The following DNAAF6 variants were observed in gnomAD, a reference collection of about 807,000 sequenced individuals.
The protein encoded by DNAAF6 is PIH1 domain containing 3.
DNAAF6 carries 3 observed loss-of-function variants against 13.7 expected under a neutral mutation model. The observed-to-expected ratio is 0.22, with a 90% CI of 0.10 to 0.56. The LOEUF (loss-of-function observed/expected upper bound fraction) is 0.56. DNAAF6 is among the 20% of genes least tolerant of loss of function. DNAAF6 has a pLI of 0.92. For missense variants in DNAAF6, 130 were observed against 151.0 expected, an observed-to-expected ratio of 0.86 and a Z score of 0.73; for synonymous variants, 54 against 49.2, an observed-to-expected ratio of 1.10 and a Z score of -0.41.
chrX:107,239,076 A>T (rs1346696800), intron 6 of DNAAF6, 69 bp downstream of exon 6: 19 of 1,100,119 alleles, frequency 1.7e-5, no homozygotes, highest in African/African-American at 7.6e-5. Flanking sequence ...ATTATTTTTT[A>T]AAATGTACAG....
At position 107,243,367 on chromosome X, in the gene DNAAF6, ATTG is replaced by A; in HGVS notation, c.*72_*74del. On this transcript the variant is annotated 3_prime_UTR_variant, in exon 7 of 7. Coordinates refer to ENST00000372453, the MANE Select transcript of DNAAF6 (RefSeq NM_173494.2). The stretch of plus-strand genomic sequence containing the variant: ...CAATTAAAAAACTTTGAAAAAAATG[ATTG>A]TTTTCTATATTCTCTTTATTATTCT... 8.9e-7 allele frequency: 1 copy of A among 1,121,779 alleles called. No individual in the cohort carries two copies. The highest frequency in any genetic ancestry group is 1.2e-6 in the Non-Finnish European group (1 of 840,188). 92.4% of individuals were successfully genotyped at this position (1,121,779 alleles called of 1,213,427 possible).
chrX:107,227,360 G>C (rs1928278013), intron 5 of DNAAF6, among the ~76,000 whole-genome samples: 1 of 111,994 alleles, frequency 8.9e-6, no homozygotes, highest in African/African-American at 3.3e-5. Context: ...AAAGTGCTGG[G>C]ATTACAGCCG....
intron 5 of DNAAF6, among the ~76,000 whole-genome samples, chrX:107,224,673 T>C (rs1928217189): frequency 9.1e-6 from 1 of 110,161 alleles, no homozygotes; most frequent in African/African-American, 3.3e-5. Context: ...AAAAATATAG[T>C]TAGATACAAT....
intron 5 of DNAAF6, among the ~76,000 whole-genome samples, chrX:107,229,332 C>A (rs764233128): frequency 9.4e-6 from 1 of 106,735 alleles, no homozygotes; most frequent in South Asian, 4.4e-4. Flanking sequence ...GAGACGGGTT[C>A]CCAGGCTGGT....
In DNAAF6 at chrX:107,238,772, C is replaced by A. The variant is rs1158827558; in HGVS notation, c.430-150C>A. ...CCATCTGTAAAATGGGGATAATAAT[C>A]TCTGCTGCTCAAGATTGACATAAAG... On this transcript the variant is annotated intron_variant, in intron 5 of 6. Coordinates refer to ENST00000372453, the MANE Select transcript of DNAAF6 (RefSeq NM_173494.2). 12 of 979,917 alleles carry A rather than the reference C, an allele frequency of 1.2e-5. No individual in the cohort carries two copies. In the South Asian group the frequency reaches 2.2e-4, roughly 18 times the overall value. 80.8% of individuals were successfully genotyped at this position (979,917 alleles called of 1,213,427 possible). A position where few individuals can be genotyped will look rare whatever the true frequency, so the allele number is the denominator to read the frequency against.
At chrX:107,211,460 C>A (rs897825503) in intron 1 of DNAAF6, among the ~76,000 whole-genome samples, 1 of 111,827 alleles carries the variant, frequency 8.9e-6, no homozygotes, top group African/African-American at 3.2e-5. Context: ...AGCTATAGTG[C>A]AAATCTATGG....
intron 1 of DNAAF6, among the ~76,000 whole-genome samples, chrX:107,211,228 TTTTCTC>T (rs1472935558): frequency 8.9e-6 from 1 of 112,284 alleles, no homozygotes; most frequent in Non-Finnish European, 1.9e-5. Context: ...CACAAACTGT[TTTTCTC>T]TTTTGATACT....
chrX:107,218,523 A>G (rs932850250), intron 3 of DNAAF6, among the ~76,000 whole-genome samples: 1 of 110,416 alleles, frequency 9.1e-6, no homozygotes, highest in African/African-American at 3.3e-5. Context: ...TTGCATATGT[A>G]TATGGAGAGA....
intron 1 of DNAAF6, among the ~76,000 whole-genome samples, chrX:107,209,294 T>C (rs1174007103): frequency 8.9e-6 from 1 of 111,901 alleles, no homozygotes; most frequent in African/African-American, 3.2e-5. Flanking sequence ...TAAATAAAAA[T>C]AAAGTTGCAG....
chrX:107,235,279 A>G (rs1696588591), intron 5 of DNAAF6, among the ~76,000 whole-genome samples: 1 of 111,690 alleles, frequency 9.0e-6, no homozygotes, highest in African/African-American at 3.3e-5. Flanking sequence ...TATTTGAAAT[A>G]AAGTTAGTGA....
chrX:107,208,956 C>A (rs1041567039), intron 1 of DNAAF6, among the ~76,000 whole-genome samples: 10 of 111,779 alleles, frequency 8.9e-5, no homozygotes, highest in African/African-American at 3.3e-4. Flanking sequence ...AAATTTGAAA[C>A]GAAAACTGTT....
chrX:107,223,724 T>C (rs1025376005), intron 5 of DNAAF6, among the ~76,000 whole-genome samples: 4 of 111,568 alleles, frequency 3.6e-5, no homozygotes, highest in African/African-American at 1.3e-4. Flanking sequence ...AATTTCTCTT[T>C]TGCATGAACT....
Position 107,234,849 on chromosome X carries a change from C to T in DNAAF6, c.430-4073C>T, listed in dbSNP as rs918379308. Among the ~76,000 whole-genome samples, 10 of 111,920 alleles carry T rather than the reference C, an allele frequency of 8.9e-5. No individual in the cohort carries two copies. In the Admixed American group the frequency reaches 9.5e-4, roughly 11 times the overall value. On this transcript the variant is annotated intron_variant, in intron 5 of 6. Coordinates refer to ENST00000372453, the MANE Select transcript of DNAAF6 (RefSeq NM_173494.2). Reference sequence around the variant, plus strand: ...TATTTGGACTTCTCTTGTCAATTTTCAAACATCTTATAATATAATTGTAGA... The same window carrying T: ...TATTTGGACTTCTCTTGTCAATTTTTAAACATCTTATAATATAATTGTAGA...
chrX:107,221,910 C>CACA (rs772698727), intron 4 of DNAAF6, among the ~76,000 whole-genome samples: 23 of 98,399 alleles, frequency 2.3e-4, no homozygotes, highest in Non-Finnish European at 4.2e-4. Context: ...TAGCATTAAG[C>CACA]ATAATAATAA....
rs767148219 is a variant in DNAAF6, at chrX:107,216,761, G to T, written c.226+18G>T. 9.1e-7 allele frequency: 1 copy of T among 1,101,469 alleles called. No individual in the cohort carries two copies. Among genetic ancestry groups the T allele is most frequent in the African/African-American group, 1.8e-5 (1 of 54,632 alleles). 90.8% of individuals were successfully genotyped at this position (1,101,469 alleles called of 1,213,427 possible). On this transcript the variant is annotated intron_variant, in intron 3 of 6. Transcript: ENST00000372453. ...GCTCAAAGGTAAGTTATTTAACAAA[G>T]CAATATAGATCAATATAATCTTTTC...
chrX:107,236,709 T>A (rs888380428), intron 5 of DNAAF6, among the ~76,000 whole-genome samples: 2 of 112,410 alleles, frequency 1.8e-5, no homozygotes, highest in African/African-American at 6.5e-5. Flanking sequence ...CCAGAAATTG[T>A]ATCTATTTTT....
intron 2 of DNAAF6, 72 bp from the exon 3 acceptor site, chrX:107,216,599 T>G: frequency 1.4e-6 from 1 of 698,687 alleles, no homozygotes; most frequent in Non-Finnish European, 2.0e-6. Flanking sequence ...CCTATCAAAT[T>G]TAAAGTATCA....
In DNAAF6 at chrX:107,221,664, C is replaced by T. The variant is rs745834903; in HGVS notation, c.333-1081C>T. Among the ~76,000 whole-genome samples, 11 of 111,602 alleles carry T rather than the reference C, an allele frequency of 9.9e-5. No individual in the cohort carries two copies. The South Asian group carries it at 4.2e-3, about 42-fold the overall frequency. On this transcript the variant is annotated intron_variant, in intron 4 of 6. Transcript: ENST00000372453. ...GAGCAAATCCATTAGGAGCAATGAACATATAGATCAATCCTCTGTTTGTTT... is the reference window on the plus strand; with the variant it reads ...GAGCAAATCCATTAGGAGCAATGAATATATAGATCAATCCTCTGTTTGTTT...
At position 107,243,270 on chromosome X, in the gene DNAAF6, G is replaced by C; in HGVS notation, c.617G>C (p.Arg206Thr). The C allele has an allele frequency of 8.3e-7, 1 of 1,207,959 alleles. No individual in the cohort carries two copies. ...CTTGAAATCACTATGACTATGAAAA[G>C]AGAGTTAGATATTGCTAATTTCTTC... ...ETLEITMTMK[R>T]ELDIANFF is the part of the protein sequence containing the mutation. Residue 206 changes from arginine (R) to threonine (T), a missense_variant, in exon 7 of 7, where the codon AGA (arginine) becomes ACA (threonine). Transcript: ENST00000372453.
Sources: gnomAD v4.1 joint callset for allele counts (sites outside exome capture counted in the v4.1 genomes callset) on GRCh38, gnomAD v4.1.1 for gene constraint, MANE v1.5 for transcripts, NCBI Gene and HGNC (gene_info 2026-07-23, HGNC 2026-07-21) for gene names.